The following ZNF330 variants were observed in gnomAD, a reference collection of about 807,000 sequenced individuals.
ZNF330 encodes zinc finger protein 330.
In ZNF330, 31 loss-of-function variants were observed where a neutral mutation model predicts 45.5. That is an observed-to-expected ratio of 0.68 (90% confidence interval 0.51 to 0.92). The LOEUF is 0.92. Ranked by LOEUF, ZNF330 falls within the 40% of genes least tolerant of loss-of-function variation. ZNF330 has a pLI of 0.00. For synonymous variants in ZNF330, 138 were observed against 123.2 expected, an observed-to-expected ratio of 1.12 and a Z score of -0.79; for missense variants, 356 against 387.4, an observed-to-expected ratio of 0.92 and a Z score of 0.68.
chr4:141,233,949 A>C lies in ZNF330; in HGVS notation c.923A>C (p.Tyr308Ser), dbSNP rs760892522. The change falls in exon 10 of 10, where the codon TAT becomes TCT. Residue 308 changes from tyrosine (Y) to serine (S), a missense_variant. Transcript: ENST00000262990. ...LFTNLNLGRT[Y>S]ASGYAHYEEQ... ...ACTAATTTGAATTTAGGAAGGACCT[A>C]TGCTAGTGGCTATGCTCACTATGAG... The C allele has an allele frequency of 6.2e-7, 1 of 1,613,672 alleles. No individual in the cohort carries two copies. The highest frequency in any genetic ancestry group is 8.5e-7 in the Non-Finnish European group (1 of 1,179,706).
chr4:141,226,916 T>C, intron 5 of ZNF330, 70 bp downstream of exon 5: 1 of 1,234,538 alleles, frequency 8.1e-7, no homozygotes, highest in Non-Finnish European at 1.2e-6. Flanking sequence ...GATCAGTGGT[T>C]ATTTTTTTCT....
chr4:141,223,935 T>G, intron 2 of ZNF330: 1 of 357,080 alleles, frequency 2.8e-6, no homozygotes, highest in Non-Finnish European at 5.5e-6. Context: ...GGAGAATGGC[T>G]GACCATTAGT....
rs538564937 is a variant in ZNF330 at position 141,229,477 on chromosome 4, C to G, written c.292-94C>G. On this transcript the variant is annotated intron_variant, in intron 5 of 9. Coordinates refer to ENST00000262990, the MANE Select transcript of ZNF330 (RefSeq NM_014487.6). ...ACTATCATTGAGGGTTGATAAATTG[C>G]TAAATGTATACAGTTTTGATGGTTG... 84 of 1,512,492 alleles carry G rather than the reference C, an allele frequency of 5.6e-5. No individual in the cohort carries two copies. In the African/African-American group the frequency reaches 1.1e-3, roughly 20 times the overall value. 93.7% of individuals were successfully genotyped at this position (1,512,492 alleles called of 1,614,324 possible). A position where few individuals can be genotyped will look rare whatever the true frequency, so the allele number is the denominator to read the frequency against.
chr4:141,233,817 A>G lies in ZNF330; in HGVS notation c.791A>G (p.Asp264Gly). Residue 264 changes from aspartate (D) to glycine (G), a missense_variant, in exon 10 of 10, where the codon GAT (aspartate) becomes GGT (glycine). Coordinates refer to ENST00000262990, the MANE Select transcript of ZNF330 (RefSeq NM_014487.6). Reference sequence around the variant, plus strand: ...AACCTTTCATCTGATAAGTATGGTGATACCAGCTACCACGATGAGGAGGAG... The same window carrying G: ...AACCTTTCATCTGATAAGTATGGTGGTACCAGCTACCACGATGAGGAGGAG... ...WKNLSSDKYG[D>G]TSYHDEEEDE... 6.2e-7 allele frequency: 1 copy of G among 1,613,792 alleles called. No homozygotes were observed. The highest frequency in any genetic ancestry group is 1.1e-5 in the South Asian group (1 of 91,082).
At chr4:141,225,997 G>A (rs1728794572) in intron 4 of ZNF330, among the ~76,000 whole-genome samples, 1 of 152,036 alleles carries the variant, frequency 6.6e-6, no homozygotes, top group South Asian at 2.1e-4. Context: ...AGGAAATCAA[G>A]ATAACGGAAA....
chr4:141,234,046 T>C lies in ZNF330; in HGVS notation c.*57T>C. ...AGCAGGAGTGAGTGTGTGTGCTTGA[T>C]GAATTGTGTGTGGTTGTTCAAAAGT... On this transcript the variant is annotated 3_prime_UTR_variant, in exon 10 of 10. Transcript: ENST00000262990. 3 of 1,551,410 alleles carry C rather than the reference T, an allele frequency of 1.9e-6. No individual in the cohort carries two copies. The highest frequency in any genetic ancestry group is 1.7e-6 in the Non-Finnish European group (2 of 1,152,746).
At chr4:141,231,167 A>G (rs951850541) in intron 7 of ZNF330, among the ~76,000 whole-genome samples, 2 of 152,128 alleles carry the variant, frequency 1.3e-5, no homozygotes, top group African/African-American at 4.8e-5. Context: ...TTCTTGCAAT[A>G]TTTATATATA....
chr4:141,224,440 GT>G (rs752564763), intron 2 of ZNF330, 46 bp from the exon 3 acceptor site: 3 of 1,577,802 alleles, frequency 1.9e-6, no homozygotes, highest in Non-Finnish European at 2.6e-6. Flanking sequence ...TAAATTTGCA[GT>G]TTTCAGTCAG....
At position 141,226,604 on chromosome 4, in the gene ZNF330, A is replaced by G. The variant is rs1578809321; in HGVS notation, c.212-163A>G. 3.3e-5 allele frequency among the ~76,000 whole-genome samples: 5 copies of G among 152,252 alleles called. 1 individual carries two copies. The South Asian group carries it at 1.0e-3, about 32-fold the overall frequency. ...ATTCGAGTAATGAAGTCTCAGTTAT[A>G]TCCATTTTCTCTTTCTAGTTATGTA... On this transcript the variant is annotated intron_variant, in intron 4 of 9. Transcript: ENST00000262990.
intron 9 of ZNF330, 138 bp from the exon 10 acceptor site, chr4:141,233,577 A>G: frequency 7.2e-7 from 1 of 1,393,052 alleles, no homozygotes; most frequent in African/African-American, 1.5e-5. Flanking sequence ...GACTCAGGTG[A>G]AAAAATTAGG....
Position 141,222,473 on chromosome 4 carries a change from T to C in ZNF330, c.102T>C (p.His34=). The C allele has an allele frequency of 2.5e-6, 4 of 1,613,170 alleles. No individual in the cohort carries two copies. Among genetic ancestry groups the C allele is most frequent in the Non-Finnish European group, 3.4e-6 (4 of 1,179,636 alleles). The change falls in exon 2 of 10, where the codon CAT becomes CAC. Residue 34 remains histidine (H), a synonymous_variant. Transcript: ENST00000262990. The stretch of plus-strand genomic sequence containing the variant: ...GAAGCACTATAGATTTAGCTAAACA[T>C]CCATGTAATGCCTCAATGGTATCAG... ...ASRSTIDLAK[H]PCNASMECDK...
rs1459171589 is a variant in ZNF330, at chr4:141,229,657, T to A, written c.378T>A (p.Asp126Glu). 1 of 1,613,214 alleles carries A rather than the reference T, an allele frequency of 6.2e-7. No homozygotes were observed. Among genetic ancestry groups the A allele is most frequent in the Non-Finnish European group, 8.5e-7 (1 of 1,179,328 alleles). Reference sequence around the variant, plus strand: ...ATGCTTGTGCCTGCCCTCTTACCGATGCTGAGTGTGTTGAATGTGAACGAG... The same window carrying A: ...ATGCTTGTGCCTGCCCTCTTACCGAAGCTGAGTGTGTTGAATGTGAACGAG... ...STHACACPLT[D>E]AECVECERGV... The change falls in exon 6 of 10, where the codon GAT (aspartate) becomes GAA (glutamate). Residue 126 changes from aspartate to glutamate, a missense_variant. Physicochemically the swap from Asp to Glu is conservative, Grantham distance 45. Coordinates refer to ENST00000262990, the MANE Select transcript of ZNF330 (RefSeq NM_014487.6).
chr4:141,226,910 A>C, intron 5 of ZNF330, 64 bp downstream of exon 5: 1 of 1,332,470 alleles, frequency 7.5e-7, no homozygotes. Flanking sequence ...CATTCTGATC[A>C]GTGGTTATTT....
Position 141,233,878 on chromosome 4 carries a change from A to C in ZNF330, c.852A>C (p.Glu284Asp). 4 of 1,613,792 alleles carry C rather than the reference A, an allele frequency of 2.5e-6. No homozygotes were observed. The highest frequency in any genetic ancestry group is 3.4e-6 in the Non-Finnish European group (4 of 1,179,796). Residue 284 changes from glutamate to aspartate, a missense_variant, in exon 10 of 10, where the codon GAA becomes GAC. Coordinates refer to ENST00000262990, the MANE Select transcript of ZNF330 (RefSeq NM_014487.6). Reference protein sequence around the residue: ...EYEAEDDEEEEDEGRKDSDTE... With the variant: ...EYEAEDDEEEDDEGRKDSDTE... Reference sequence around the variant, plus strand: ...AAGCAGAGGATGATGAAGAGGAAGAAGATGAAGGCAGAAAGGATTCAGATA... The same window carrying C: ...AAGCAGAGGATGATGAAGAGGAAGACGATGAAGGCAGAAAGGATTCAGATA...
In ZNF330 at chr4:141,233,760, A is replaced by T; in HGVS notation, c.734A>T (p.Asp245Val). The T allele has an allele frequency of 6.2e-7, 1 of 1,613,486 alleles. No individual in the cohort carries two copies. Among genetic ancestry groups the T allele is most frequent in the Non-Finnish European group, 8.5e-7 (1 of 1,179,686 alleles). ...AGGCAGACTGGAGGTGAAGAGGGAG[A>T]TGGAGCTTCTGGGTATGATGCTTAT... ...FGRQTGGEEGDGASGYDAYWK... is the reference protein window; with the variant it reads ...FGRQTGGEEGVGASGYDAYWK... The change falls in exon 10 of 10, where the codon GAT (aspartate) becomes GTT (valine). Residue 245 changes from aspartate to valine, a missense_variant. Transcript: ENST00000262990.
intron 7 of ZNF330, 122 bp from the exon 8 acceptor site, chr4:141,231,316 CA>C: frequency 1.5e-6 from 1 of 672,032 alleles, no homozygotes; most frequent in Admixed American, 3.2e-5. Flanking sequence ...CATTTGAACC[CA>C]AAAGACAGGC....
Position 141,232,535 on chromosome 4 carries a change from G to T in ZNF330, c.581G>T (p.Cys194Phe), listed in dbSNP as rs1339178951. ...GCTTCTCCTATACAGGCTTGTTTCT[G>T]TGATGATCATACAAGGAGCAAAGTG... ...HSCLRCKACFCDDHTRSKVFK... is the reference protein window; with the variant it reads ...HSCLRCKACFFDDHTRSKVFK... Residue 194 changes from cysteine to phenylalanine, a missense_variant, in exon 9 of 10, where the codon TGT becomes TTT. Physicochemically the swap from Cys to Phe is radical, Grantham distance 205. Coordinates refer to ENST00000262990, the MANE Select transcript of ZNF330 (RefSeq NM_014487.6). The T allele has an allele frequency of 6.4e-7, 1 of 1,569,938 alleles. No homozygotes were observed.
chr4:141,224,360 G>A, intron 2 of ZNF330, 127 bp from the exon 3 acceptor site: 1 of 788,700 alleles, frequency 1.3e-6, no homozygotes, highest in Non-Finnish European at 2.1e-6. Flanking sequence ...ATACATGGGT[G>A]GAGTTGGGGC....
At chr4:141,233,093 T>C (rs935219847) in intron 9 of ZNF330, among the ~76,000 whole-genome samples, 8 of 152,156 alleles carry the variant, frequency 5.3e-5, no homozygotes, top group Admixed American at 3.9e-4. Flanking sequence ...AATTATTTTA[T>C]GGTTTTTATG....
Sources: gnomAD v4.1 joint callset for allele counts (sites outside exome capture counted in the v4.1 genomes callset) on GRCh38, gnomAD v4.1.1 for gene constraint, MANE v1.5 for transcripts, NCBI Gene and HGNC (gene_info 2026-07-23, HGNC 2026-07-21) for gene names.